The following CNTNAP4 variants were observed in gnomAD, a reference collection of about 807,000 sequenced individuals.
CNTNAP4 encodes contactin associated protein family member 4.
In CNTNAP4, 98 loss-of-function variants were observed where a neutral mutation model predicts 148.4. The observed-to-expected ratio is 0.66, with a 90% CI of 0.56 to 0.78. The LOEUF is 0.78. Ranked by LOEUF, CNTNAP4 falls within the 30% of genes least tolerant of loss-of-function variation. CNTNAP4 has a pLI of 0.00. For synonymous variants in CNTNAP4, 730 were observed against 565.1 expected, an observed-to-expected ratio of 1.29 and a Z score of -4.14; for missense variants, 1,935 against 1,565.6, an observed-to-expected ratio of 1.24 and a Z score of -3.98.
At chr16:76,434,539 T>C (rs1345670460) in intron 4 of CNTNAP4, among the ~76,000 whole-genome samples, 1 of 152,214 alleles carries the variant, frequency 6.6e-6, no homozygotes, top group African/African-American at 2.4e-5. Context: ...CCAAGATCCA[T>C]CTGTCTTCTG....
At chr16:76,297,742 T>G (rs956681164) in intron 1 of CNTNAP4, among the ~76,000 whole-genome samples, 5 of 152,210 alleles carry the variant, frequency 3.3e-5, no homozygotes, top group African/African-American at 9.6e-5. Flanking sequence ...TCCTTCAGCA[T>G]GCTGTTTCAG....
In CNTNAP4 at chr16:76,531,630, C is replaced by T. The variant is rs116575143; in HGVS notation, c.2756-3915C>T. ...CATCCAGAATCAATTAACCAAACTG[C>T]AACTCATTTTAATTGGACACACTCT... On this transcript the variant is annotated intron_variant, in intron 17 of 23. Transcript: ENST00000611870. 4.6e-3 allele frequency among the ~76,000 whole-genome samples: 702 copies of T among 152,220 alleles called. 4 individuals are homozygous for T. Among genetic ancestry groups the T allele is most frequent in the African/African-American group, 0.016 (682 of 41,524 alleles).
chr16:76,367,800 G>T (rs1055481221), intron 3 of CNTNAP4, among the ~76,000 whole-genome samples: 14 of 152,158 alleles, frequency 9.2e-5, no homozygotes, highest in African/African-American at 3.1e-4. Flanking sequence ...CATCAGGAAA[G>T]CCATCAGCTC....
intron 3 of CNTNAP4, among the ~76,000 whole-genome samples, chr16:76,417,236 C>A (rs1198933690): frequency 1.3e-5 from 2 of 151,328 alleles, no homozygotes; most frequent in Non-Finnish European, 3.0e-5. Flanking sequence ...TAATATGTAT[C>A]ATGCTTTTAA....
At chr16:76,535,904 C>A (rs1277027433) in intron 18 of CNTNAP4, 120 bp downstream of exon 18, 1 of 1,074,316 alleles carries the variant, frequency 9.3e-7, no homozygotes. Context: ...ATTGCTTTGG[C>A]AAAGTATCTG....
intron 2 of CNTNAP4, among the ~76,000 whole-genome samples, chr16:76,322,979 C>T (rs2144159369): frequency 6.6e-6 from 1 of 151,966 alleles, no homozygotes; most frequent in Middle Eastern, 3.4e-3. Context: ...GGTGTACAGG[C>T]ACGCACCACC....
chr16:76,344,628 A>G (rs1964757203), intron 2 of CNTNAP4, among the ~76,000 whole-genome samples: 6 of 152,092 alleles, frequency 3.9e-5, no homozygotes, highest in Admixed American at 1.3e-4. Context: ...AACACAAAAT[A>G]CTCCATATTT....
chr16:76,447,660 G>T (rs950039813), intron 4 of CNTNAP4, among the ~76,000 whole-genome samples: 25 of 152,100 alleles, frequency 1.6e-4, no homozygotes, highest in African/African-American at 6.0e-4. Flanking sequence ...CACTTTCAGT[G>T]CAGTATTCAA....
At chr16:76,406,767 G>C (rs1193617926) in intron 3 of CNTNAP4, among the ~76,000 whole-genome samples, 2 of 152,170 alleles carry the variant, frequency 1.3e-5, no homozygotes, top group Non-Finnish European at 2.9e-5. Flanking sequence ...TTCTATGAAG[G>C]CTGAGAGAGG....
At chr16:76,497,209 A>G (rs1040071292) in intron 14 of CNTNAP4, among the ~76,000 whole-genome samples, 3 of 152,106 alleles carry the variant, frequency 2.0e-5, no homozygotes, top group African/African-American at 7.3e-5. Flanking sequence ...TATAAAGTTT[A>G]TAACATATGG....
At chr16:76,303,864 T>G (rs192856172) in intron 1 of CNTNAP4, among the ~76,000 whole-genome samples, 1 of 150,224 alleles carries the variant, frequency 6.7e-6, no homozygotes, top group Non-Finnish European at 1.5e-5. Context: ...TAAAATCCCC[T>G]TTTTTTTTAA....
intron 21 of CNTNAP4, among the ~76,000 whole-genome samples, chr16:76,546,892 TA>T (rs1568597199): frequency 6.6e-6 from 1 of 152,288 alleles, no homozygotes; most frequent in East Asian, 1.9e-4. Flanking sequence ...TATTATTACA[TA>T]AAAATTATCC....
intron 3 of CNTNAP4, among the ~76,000 whole-genome samples, chr16:76,356,064 G>A (rs902583498): frequency 4.0e-5 from 6 of 151,460 alleles, no homozygotes; most frequent in Non-Finnish European, 5.9e-5. Flanking sequence ...TAGTAGAGAC[G>A]GGCTTTCACC....
At chr16:76,540,672 G>A in intron 20 of CNTNAP4, 31 bp from the exon 21 acceptor site, 1 of 1,460,972 alleles carries the variant, frequency 6.8e-7, no homozygotes, top group Non-Finnish European at 9.4e-7. Flanking sequence ...CATCCATTTG[G>A]ATGTTTTTAT....
chr16:76,543,332 T>C (rs1003437518), intron 21 of CNTNAP4, among the ~76,000 whole-genome samples: 4 of 152,252 alleles, frequency 2.6e-5, no homozygotes, highest in African/African-American at 9.6e-5. Flanking sequence ...TATATCCTTA[T>C]ATTTTAATGC....
At chr16:76,486,949 G>T (rs1288136415) in intron 12 of CNTNAP4, among the ~76,000 whole-genome samples, 2 of 152,122 alleles carry the variant, frequency 1.3e-5, no homozygotes, top group African/African-American at 4.8e-5. Context: ...ATGAGCGAAT[G>T]GTCCCTGATT....
intron 8 of CNTNAP4, among the ~76,000 whole-genome samples, chr16:76,453,577 TAATA>T (rs1267402938): frequency 6.6e-6 from 1 of 152,202 alleles, no homozygotes; most frequent in East Asian, 1.9e-4. Context: ...TACATTAATT[TAATA>T]AATAATCTTT....
At position 76,560,572 on chromosome 16, in the gene CNTNAP4, A is replaced by T. The variant is rs1022355483; in HGVS notation, c.*1889A>T. On this transcript the variant is annotated 3_prime_UTR_variant, in exon 24 of 24. Coordinates refer to ENST00000611870, the MANE Select transcript of CNTNAP4 (RefSeq NM_033401.5). ...GTTCATGTTATTTAGTAGCGGTATT[A>T]ACCTCATTGGTAGCTGAACTCTAGG... Among the ~76,000 whole-genome samples, 1 of 152,186 alleles carries T rather than the reference A, an allele frequency of 6.6e-6. No homozygotes were observed. Among genetic ancestry groups the T allele is most frequent in the African/African-American group, 2.4e-5 (1 of 41,438 alleles).
In CNTNAP4 at chr16:76,355,880, ATTTATTTATTTT is replaced by A. The variant is rs1328272593; in HGVS notation, c.390+371_390+382del. Among the ~76,000 whole-genome samples, 392 of 107,724 alleles carry A rather than the reference ATTTATTTATTTT, an allele frequency of 3.6e-3. 3 individuals are homozygous for A. Among genetic ancestry groups the A allele is most frequent in the African/African-American group, 0.012 (378 of 30,678 alleles). 70.7% of individuals were successfully genotyped at this position (107,724 alleles called of 152,430 possible). On this transcript the variant is annotated intron_variant, in intron 3 of 23. Transcript: ENST00000611870. ...TATTTATTTATTTATTTATTTATTT[ATTTATTTATTTT>A]TGAAACAGAGTCTCACTCTGTCACC...
Sources: gnomAD v4.1 joint callset for allele counts (sites outside exome capture counted in the v4.1 genomes callset) on GRCh38, gnomAD v4.1.1 for gene constraint, MANE v1.5 for transcripts, NCBI Gene and HGNC (gene_info 2026-07-23, HGNC 2026-07-21) for gene names.